The following TRPM3 variants were observed in gnomAD, a reference collection of about 807,000 sequenced individuals.
The protein encoded by TRPM3 is long transient receptor potential channel 3.
In TRPM3, 77 loss-of-function variants were observed where a neutral mutation model predicts 181.2. That is an observed-to-expected ratio of 0.42 (90% CI 0.35 to 0.51). The LOEUF is 0.51. Ranked by LOEUF, TRPM3 falls within the 20% of genes least tolerant of loss-of-function variation. The pLI is 0.01. For synonymous variants in TRPM3, 745 were observed against 796.4 expected (o/e 0.94, Z 1.09); for missense variants, 1,759 against 2,196.7 (o/e 0.80, Z 3.98).
At chr9:70,865,993 A>G (rs1265717642) in intron 1 of TRPM3, among the ~76,000 whole-genome samples, 2 of 152,036 alleles carry the variant, frequency 1.3e-5, no homozygotes, top group African/African-American at 4.8e-5. Flanking sequence ...CCCAATGTCT[A>G]GTCTCAAATA....
chr9:71,399,173 T>C (rs541275991), intron 1 of TRPM3, among the ~76,000 whole-genome samples: 4 of 152,248 alleles, frequency 2.6e-5, no homozygotes, highest in East Asian at 1.9e-4. Flanking sequence ...GAGACTAAGA[T>C]AGTATAATTA....
intron 22 of TRPM3, among the ~76,000 whole-genome samples, chr9:70,577,301 G>A (rs754861585): frequency 3.9e-5 from 6 of 152,208 alleles, no homozygotes; most frequent in African/African-American, 1.4e-4. Context: ...TCTGGATTCC[G>A]ATGGAAGCAG....
chr9:71,368,831 G>T (rs112044687), intron 1 of TRPM3, among the ~76,000 whole-genome samples: 2,018 of 152,202 alleles, frequency 0.013, 29 homozygotes, highest in Admixed American at 0.018. Flanking sequence ...TTGACAACTT[G>T]TAATAAATAT....
At chr9:71,087,990 A>G (rs969684397) in intron 1 of TRPM3, among the ~76,000 whole-genome samples, 11 of 152,002 alleles carry the variant, frequency 7.2e-5, no homozygotes, top group Admixed American at 2.0e-4. Context: ...TAACCCTTAC[A>G]TTGTTATTTA....
chr9:70,811,265 T>G, intron 6 of TRPM3: 2 of 1,585,632 alleles, frequency 1.3e-6, no homozygotes, highest in Non-Finnish European at 1.7e-6. Context: ...ATAAAATCTT[T>G]GAAATTTCTA....
intron 20 of TRPM3, 77 bp from the exon 21 acceptor site, chr9:70,598,747 T>A: frequency 6.6e-7 from 1 of 1,523,006 alleles, no homozygotes; most frequent in Non-Finnish European, 8.9e-7. Flanking sequence ...GTGCTTGGTC[T>A]GTTGGCTGAT....
intron 1 of TRPM3, among the ~76,000 whole-genome samples, chr9:71,116,160 C>A (rs1047599324): frequency 6.6e-6 from 1 of 152,136 alleles, no homozygotes; most frequent in African/African-American, 2.4e-5. Context: ...TAGTCCATTA[C>A]AAATATCCTG....
intron 1 of TRPM3, among the ~76,000 whole-genome samples, chr9:70,877,281 C>T (rs1181237484): frequency 6.6e-6 from 1 of 151,948 alleles, no homozygotes; most frequent in African/African-American, 2.4e-5. Flanking sequence ...CAGCTCACTA[C>T]CTCCAGCCAC....
intron 5 of TRPM3, among the ~76,000 whole-genome samples, 157 bp from the exon 6 acceptor site, chr9:70,828,175 G>A (rs1336422987): frequency 2.6e-5 from 4 of 152,204 alleles, no homozygotes; most frequent in Non-Finnish European, 5.9e-5. Flanking sequence ...GCTTTGGATA[G>A]AGGCAAGATT....
intron 1 of TRPM3, among the ~76,000 whole-genome samples, chr9:71,043,091 T>C (rs972340730): frequency 2.0e-5 from 3 of 152,230 alleles, no homozygotes; most frequent in Non-Finnish European, 4.4e-5. Flanking sequence ...AATTTCTGTA[T>C]CTTTGCAAAA....
intron 22 of TRPM3, among the ~76,000 whole-genome samples, chr9:70,571,327 G>A (rs1206730615): frequency 2.0e-5 from 3 of 152,140 alleles, no homozygotes; most frequent in East Asian, 3.9e-4. Flanking sequence ...GCTACCTTAA[G>A]AGTGTTGTTG....
intron 1 of TRPM3, among the ~76,000 whole-genome samples, chr9:71,319,802 G>A (rs2089023588): frequency 6.6e-6 from 1 of 152,040 alleles, no homozygotes; most frequent in African/African-American, 2.4e-5. Context: ...GGGTCAGCTA[G>A]GCTATGGCCA....
At chr9:71,157,768 T>A (rs2076079728) in intron 1 of TRPM3, among the ~76,000 whole-genome samples, 1 of 152,110 alleles carries the variant, frequency 6.6e-6, no homozygotes, top group Non-Finnish European at 1.5e-5. Context: ...TACAGATGGA[T>A]GGTAAGTCAT....
intron 1 of TRPM3, among the ~76,000 whole-genome samples, chr9:71,052,324 C>T (rs111275926): frequency 1.3e-5 from 2 of 152,242 alleles, no homozygotes; most frequent in African/African-American, 4.8e-5. Flanking sequence ...TGGAAGACAG[C>T]TGTATCTTGA....
At chr9:71,007,431 A>G (rs1271239058) in intron 1 of TRPM3, among the ~76,000 whole-genome samples, 1 of 152,116 alleles carries the variant, frequency 6.6e-6, no homozygotes, top group Admixed American at 6.5e-5. Context: ...TTTCTCAACA[A>G]CACACGGAAC....
intron 1 of TRPM3, among the ~76,000 whole-genome samples, chr9:70,898,787 G>GA: frequency 6.8e-6 from 1 of 146,092 alleles, no homozygotes; most frequent in African/African-American, 2.5e-5. Flanking sequence ...GAAAAGAAAA[G>GA]AAAGAAAAAA....
chr9:70,763,009 GTCT>G (rs1484568886), intron 7 of TRPM3, among the ~76,000 whole-genome samples: 1 of 152,144 alleles, frequency 6.6e-6, no homozygotes, highest in East Asian at 1.9e-4. Flanking sequence ...GCCAGAAGAT[GTCT>G]TCTTATCAGT....
At chr9:71,249,971 G>C (rs892130283) in intron 1 of TRPM3, among the ~76,000 whole-genome samples, 20 of 152,146 alleles carry the variant, frequency 1.3e-4, no homozygotes, top group African/African-American at 4.8e-4. Flanking sequence ...ATTTTAGACT[G>C]GTAAAACTGT....
At chr9:71,420,300 T>C (rs1234006062) in intron 1 of TRPM3, among the ~76,000 whole-genome samples, 1 of 151,914 alleles carries the variant, frequency 6.6e-6, no homozygotes, top group Non-Finnish European at 1.5e-5. Context: ...TGTTGACCAC[T>C]TCCCTCTCAA....
Sources: allele counts gnomAD v4.1 joint callset (sites outside exome capture counted in the v4.1 genomes callset), GRCh38; gene constraint gnomAD v4.1.1; transcripts MANE v1.5; gene names NCBI Gene and HGNC (gene_info 2026-07-23, HGNC 2026-07-21).